Variants in ZNF787 observed in about 807,000 individuals in gnomAD.
ZNF787 encodes TTF-I-interacting peptide 20.
Under a neutral mutation model 16.9 loss-of-function variants are expected in ZNF787, and 7 were observed. The ratio of observed to expected loss-of-function variants is 0.42; its 90% CI spans 0.24 to 0.78. The LOEUF (loss-of-function observed/expected upper bound fraction) is 0.78, where lower values mean the gene tolerates loss of function less well. Among genes scored for constraint, ZNF787 ranks in the 30% least tolerant of loss-of-function variants. ZNF787 has a pLI of 0.30. For synonymous variants in ZNF787, 345 were observed against 270.9 expected (o/e 1.27, Z -2.69); for missense variants, 551 against 589.3 (o/e 0.94, Z 0.67).
chr19:56,088,821 C>T lies in ZNF787; in HGVS notation c.351G>A (p.Thr117=), dbSNP rs774269457. Residue 117 remains threonine, a synonymous_variant, in exon 3 of 3, where the codon ACG becomes ACA. Transcript: ENST00000610935. The surrounding 1 kb of genome is among the most constrained non-coding windows in gnomAD (Gnocchi z 8.6). ...SHLVQHRRIH[T]GEKPYACLEC... is the part of the protein sequence containing the mutation. ...CCAAGCAGGCGTAGGGCTTCTCGCC[C>T]GTGTGGATGCGCCGGTGCTGCACCA... 1.9e-6 allele frequency: 3 copies of T among 1,611,136 alleles called. No homozygotes were observed. Among genetic ancestry groups the T allele is most frequent in the South Asian group, 1.1e-5 (1 of 90,902 alleles).
rs576226054 is a variant in ZNF787 at position 56,087,875 on chromosome 19, G to A, written c.*148C>T. 78 of 1,212,680 alleles carry A rather than the reference G, an allele frequency of 6.4e-5. No homozygotes were observed. The Middle Eastern group carries it at 1.6e-3, about 25-fold the overall frequency. 75.1% of individuals were successfully genotyped at this position (1,212,680 alleles called of 1,614,324 possible). A position where few individuals can be genotyped will look rare whatever the true frequency, so the allele number is the denominator to read the frequency against. On this transcript the variant is annotated 3_prime_UTR_variant, in exon 3 of 3. Coordinates refer to ENST00000610935, the MANE Select transcript of ZNF787 (RefSeq NM_001002836.4). The stretch of plus-strand genomic sequence containing the variant: ...TACGCCCCAGTGCCCCCCCACGGAC[G>A]GCGCAGGGACAGAGGAGGGCGGGGA...
At chr19:56,095,013 T>C (rs966991536) in intron 2 of ZNF787, among the ~76,000 whole-genome samples, 1 of 151,848 alleles carries the variant, frequency 6.6e-6, no homozygotes, top group Non-Finnish European at 1.5e-5. Flanking sequence ...ACTCGGGAGG[T>C]TGAGGCAGGA....
intron 2 of ZNF787, among the ~76,000 whole-genome samples, chr19:56,100,048 G>A (rs1339724061): frequency 6.6e-6 from 1 of 151,912 alleles, no homozygotes; most frequent in African/African-American, 2.4e-5. Context: ...TGGGGCCGTG[G>A]TGGGAAGAAG....
At chr19:56,092,849 G>C (rs114953713) in intron 2 of ZNF787, among the ~76,000 whole-genome samples, 2,537 of 151,866 alleles carry the variant, frequency 0.017, 71 homozygotes, top group African/African-American at 0.058. Flanking sequence ...ACAAGGGGTG[G>C]CGGAAGTGGG....
Position 56,088,256 on chromosome 19 carries a change from C to A in ZNF787, c.916G>T (p.Gly306Trp). The part of the protein sequence containing the change: ...LAHQRAQHGD[G>W]LGAAGGEEPA... ...TCCTCGCCCCCCGCCGCCCCGAGCCCGTCCCCGTGCTGGGCCCGCTGGTGC... is the reference window on the plus strand; with the variant it reads ...TCCTCGCCCCCCGCCGCCCCGAGCCAGTCCCCGTGCTGGGCCCGCTGGTGC... The change falls in exon 3 of 3, where the codon GGG becomes TGG. Residue 306 changes from glycine to tryptophan, a missense_variant. Coordinates refer to ENST00000610935, the MANE Select transcript of ZNF787 (RefSeq NM_001002836.4). The surrounding 1 kb of genome is among the most constrained non-coding windows in gnomAD (Gnocchi z 8.6). The A allele has an allele frequency of 6.9e-7, 1 of 1,453,422 alleles. No homozygotes were observed. The allele number at this position is 1,453,422 out of a possible 1,614,324, so 90.0% of individuals were successfully genotyped here.
chr19:56,109,310 C>T (rs1356138245), intron 1 of ZNF787, among the ~76,000 whole-genome samples: 1 of 152,150 alleles, frequency 6.6e-6, no homozygotes, highest in Non-Finnish European at 1.5e-5. Context: ...GCCCCAAAGG[C>T]ACGGGGGCAG....
In ZNF787 at chr19:56,121,165, C is replaced by CCCTCA. The variant is rs2030288839; in HGVS notation, c.-11+2_-11+6dup. On this transcript the variant is annotated splice_region_variant and intron_variant, in intron 1 of 2. Transcript: ENST00000610935. ...CCCAGCGCACGGCCCCCGCCCCCAC[C>CCCTCA]CCTCACCTCCTTGGTCCCGGGGCCG... 1 of 149,252 alleles carries CCCTCA rather than the reference C, an allele frequency of 6.7e-6. No individual in the cohort carries two copies. Among genetic ancestry groups the CCCTCA allele is most frequent in the African/African-American group, 2.5e-5 (1 of 40,468 alleles). The allele number at this position is 149,252 out of a possible 1,614,324, so 9.2% of individuals were successfully genotyped here. A position where few individuals can be genotyped will look rare whatever the true frequency, so the allele number is the denominator to read the frequency against.
intron 1 of ZNF787, among the ~76,000 whole-genome samples, chr19:56,104,458 C>T (rs1455213678): frequency 7.5e-6 from 1 of 133,038 alleles, no homozygotes; most frequent in African/African-American, 2.9e-5. Flanking sequence ...GCCGCCGACC[C>T]GTGCCACGCA....
At chr19:56,094,589 T>C (rs911671297) in intron 2 of ZNF787, among the ~76,000 whole-genome samples, 2 of 152,184 alleles carry the variant, frequency 1.3e-5, no homozygotes, top group African/African-American at 4.8e-5. Context: ...AAGGTTTTTG[T>C]TCTTATTTGC....
At chr19:56,119,009 G>T (rs1450936631) in intron 1 of ZNF787, among the ~76,000 whole-genome samples, 1 of 151,996 alleles carries the variant, frequency 6.6e-6, no homozygotes, top group African/African-American at 2.4e-5. Context: ...CTCCCTCAAG[G>T]TCAGAGCTCC....
At chr19:56,109,900 A>G (rs560735640) in intron 1 of ZNF787, among the ~76,000 whole-genome samples, 8 of 152,222 alleles carry the variant, frequency 5.3e-5, no homozygotes, top group African/African-American at 1.9e-4. Flanking sequence ...ATAAAATAAC[A>G]TTCGTAAGCT....
intron 2 of ZNF787, among the ~76,000 whole-genome samples, chr19:56,096,370 G>A (rs1985874339): frequency 6.6e-6 from 1 of 152,108 alleles, no homozygotes; most frequent in Admixed American, 6.6e-5. Flanking sequence ...AGTGAGCAGA[G>A]ATGGCACCAC....
intron 1 of ZNF787, among the ~76,000 whole-genome samples, chr19:56,107,599 G>A (rs569611525): frequency 1.3e-5 from 2 of 151,800 alleles, no homozygotes; most frequent in African/African-American, 4.8e-5. Flanking sequence ...AGGGTCACCA[G>A]GAGGGCCGAG....
intron 2 of ZNF787, among the ~76,000 whole-genome samples, chr19:56,091,902 AGCCGCAGCCGCAGCCGC>A (rs1985591047): frequency 2.7e-5 from 1 of 37,022 alleles, no homozygotes; most frequent in African/African-American, 1.6e-4. Context: ...CACTTGCCGC[AGCCGCAGCCGCAGCCGC>A]AGCCGAAGCC....
rs533419904 is a variant in ZNF787 at position 56,093,013 on chromosome 19, T to C, written c.80-3921A>G. Among the ~76,000 whole-genome samples, 5 of 144,988 alleles carry C rather than the reference T, an allele frequency of 3.4e-5. No individual in the cohort carries two copies. The East Asian group carries it at 1.0e-3, about 29-fold the overall frequency. On this transcript the variant is annotated intron_variant, in intron 2 of 2. Coordinates refer to ENST00000610935, the MANE Select transcript of ZNF787 (RefSeq NM_001002836.4). The stretch of plus-strand genomic sequence containing the variant: ...TGGGATACCCCATAGACACAGGAGG[T>C]GGCGGAAGTGGGCTACCCCATAGAC...
chr19:56,099,452 C>G (rs1432616452), intron 2 of ZNF787, among the ~76,000 whole-genome samples: 1 of 152,162 alleles, frequency 6.6e-6, no homozygotes, highest in Non-Finnish European at 1.5e-5. Context: ...GTGGCTCATG[C>G]CTGTAATCCC....
chr19:56,104,606 CAT>C (rs369254353), intron 1 of ZNF787, among the ~76,000 whole-genome samples: 16 of 151,950 alleles, frequency 1.1e-4, no homozygotes, highest in South Asian at 2.1e-4. Flanking sequence ...GGTCTCTACA[CAT>C]GACACCACCA....
chr19:56,088,398 GGCTGCC>G lies in ZNF787; in HGVS notation c.768_773del (p.Ala257_Ala258del), dbSNP rs1568521218. The G allele has an allele frequency of 3.6e-6, 4 of 1,107,480 alleles. No individual in the cohort carries two copies. The highest frequency in any genetic ancestry group is 4.4e-6 in the Non-Finnish European group (4 of 908,912). The allele number at this position is 1,107,480 out of a possible 1,614,324, so 68.6% of individuals were successfully genotyped here. A position where few individuals can be genotyped will look rare whatever the true frequency, so the allele number is the denominator to read the frequency against. ...CGGCCTTTGCCCCCGCGCCCGCCATGGCTGCCGCGGCCGCGGCCCCCTCGCCCGGCG... is the reference window on the plus strand; with the variant it reads ...CGGCCTTTGCCCCCGCGCCCGCCATGGCGGCCGCGGCCCCCTCGCCCGGCG... On this transcript the variant is annotated inframe_deletion, in exon 3 of 3. Transcript: ENST00000610935. This position sits in a 1 kb window ranked among gnomAD's most constrained non-coding sequence, Gnocchi z 8.6.
intron 1 of ZNF787, among the ~76,000 whole-genome samples, chr19:56,107,835 G>A (rs1001169674): frequency 4.0e-5 from 6 of 150,806 alleles, no homozygotes; most frequent in Admixed American, 2.6e-4. Context: ...TGGGGGCTGC[G>A]GGAGAGGCCG....
Sources: gnomAD v4.1 joint callset for allele counts (sites outside exome capture counted in the v4.1 genomes callset) on GRCh38, gnomAD v4.1.1 for gene constraint, Gnocchi (gnomAD v3.1) non-coding constraint, MANE v1.5 for transcripts, NCBI Gene and HGNC (gene_info 2026-07-23, HGNC 2026-07-21) for gene names.